DLGAP1: variants seen among roughly 807,000 people sequenced by gnomAD.
The protein encoded by DLGAP1 is DLG associated protein 1, also known as disks large-associated protein 1.
A neutral mutation model predicts 90.8 loss-of-function variants in DLGAP1; 11 were observed. The observed-to-expected ratio is 0.12, with a 90% confidence interval of 0.08 to 0.20. The LOEUF (loss-of-function observed/expected upper bound fraction) is 0.20, where lower values mean the gene tolerates loss of function less well. DLGAP1 is among the 10% of genes least tolerant of loss of function. DLGAP1 has a pLI of 1.00. For missense variants in DLGAP1, 1,050 were observed against 1,333.8 expected (o/e 0.79, Z 3.31); for synonymous variants, 558 against 540.7 (o/e 1.03, Z -0.44).
intron 2 of DLGAP1, among the ~76,000 whole-genome samples, chr18:4,025,197 T>C (rs2149119747): frequency 1.3e-5 from 2 of 152,324 alleles, no homozygotes; most frequent in Middle Eastern, 6.8e-3. Context: ...GTGTGTGCAC[T>C]CTACACTGAG....
At chr18:3,864,828 T>A (rs2070289858) in intron 4 of DLGAP1, among the ~76,000 whole-genome samples, 1 of 152,192 alleles carries the variant, frequency 6.6e-6, no homozygotes, top group South Asian at 2.1e-4. Flanking sequence ...CCTTGGATAG[T>A]ATATGACTCA....
intron 1 of DLGAP1, among the ~76,000 whole-genome samples, chr18:4,241,875 AT>A (rs2078541951): frequency 6.6e-6 from 1 of 152,180 alleles, no homozygotes. Context: ...TTTTCTAAAC[AT>A]TTTTAAATTT....
At chr18:3,750,376 G>A (rs1470864480) in intron 5 of DLGAP1, among the ~76,000 whole-genome samples, 5 of 152,248 alleles carry the variant, frequency 3.3e-5, no homozygotes, top group Non-Finnish European at 5.9e-5. Flanking sequence ...CTGCTGATAG[G>A]CACCTAGATT....
chr18:4,306,033 T>TACACACAGACAC (rs1184185219), intron 1 of DLGAP1, among the ~76,000 whole-genome samples: 7 of 142,204 alleles, frequency 4.9e-5, no homozygotes, highest in African/African-American at 1.9e-4. Context: ...CACACACAAA[T>TACACACAGACAC]ACACACACAC....
chr18:4,450,780 T>A (rs1171006821), intron 1 of DLGAP1, among the ~76,000 whole-genome samples: 1 of 152,188 alleles, frequency 6.6e-6, no homozygotes. Context: ...CCATGATAAG[T>A]GAATATGAAA....
chr18:4,114,484 G>T (rs1342187241), intron 2 of DLGAP1, among the ~76,000 whole-genome samples: 1 of 152,116 alleles, frequency 6.6e-6, no homozygotes, highest in Non-Finnish European at 1.5e-5. Flanking sequence ...CACTGAAGTT[G>T]TTTAACAGTT....
rs369021843 is a variant in DLGAP1, at chr18:3,985,648, C to A, written c.-73+19468G>T. On this transcript the variant is annotated intron_variant, in intron 3 of 12. Coordinates refer to ENST00000315677, the MANE Select transcript of DLGAP1 (RefSeq NM_004746.4). Reference sequence around the variant, plus strand: ...TAGATGCATTGATAAACCTGAAGGACGGGCTTACTGTTCAGTAGTGCTTTG... The same window carrying A: ...TAGATGCATTGATAAACCTGAAGGAAGGGCTTACTGTTCAGTAGTGCTTTG... 7.9e-5 allele frequency among the ~76,000 whole-genome samples: 12 copies of A among 151,966 alleles called. 1 individual carries two copies. Among genetic ancestry groups the A allele is most frequent in the South Asian group, 6.3e-4 (3 of 4,792 alleles).
intron 4 of DLGAP1, among the ~76,000 whole-genome samples, chr18:3,848,665 C>T (rs2069160988): frequency 6.6e-6 from 1 of 152,102 alleles, no homozygotes; most frequent in African/African-American, 2.4e-5. Context: ...AGGTCAGAAA[C>T]CTGGGTACTC....
chr18:3,676,261 T>C (rs7240936), intron 7 of DLGAP1, among the ~76,000 whole-genome samples: 97,222 of 152,070 alleles, frequency 0.64, 32,571 homozygotes, highest in African/African-American at 0.86. Flanking sequence ...CCTTCCCTGC[T>C]CGCTATGTAA....
chr18:3,995,754 A>AAT (rs1439754856), intron 3 of DLGAP1: 1 of 151,754 alleles, frequency 6.6e-6, no homozygotes, highest in African/African-American at 2.4e-5. Flanking sequence ...ATTTACTTTC[A>AAT]ATATATACAC....
chr18:4,203,265 TAAA>T (rs61037023), intron 1 of DLGAP1, among the ~76,000 whole-genome samples: 4 of 128,098 alleles, frequency 3.1e-5, no homozygotes, highest in Non-Finnish European at 3.4e-5. Context: ...ACAGAGAGAT[TAAA>T]AAAAAAAAAA....
chr18:4,141,476 A>G (rs191753603), intron 2 of DLGAP1, among the ~76,000 whole-genome samples: 181 of 152,162 alleles, frequency 1.2e-3, no homozygotes, highest in African/African-American at 4.1e-3. Context: ...TAGCCTCTGG[A>G]AAACTCCACT....
chr18:3,760,131 G>A (rs996947138), intron 5 of DLGAP1, among the ~76,000 whole-genome samples: 1 of 152,196 alleles, frequency 6.6e-6, no homozygotes, highest in African/African-American at 2.4e-5. Context: ...CACAGGGTCC[G>A]ACATGTATTA....
At chr18:4,224,594 C>T (rs759501000) in intron 1 of DLGAP1, among the ~76,000 whole-genome samples, 7 of 152,070 alleles carry the variant, frequency 4.6e-5, no homozygotes, top group Non-Finnish European at 8.8e-5. Context: ...TGGTGGCAGA[C>T]ACGGAGGAAG....
chr18:4,419,257 C>T (rs1308932833), intron 1 of DLGAP1, among the ~76,000 whole-genome samples: 1 of 152,150 alleles, frequency 6.6e-6, no homozygotes, highest in African/African-American at 2.4e-5. Context: ...GAAAGACCCA[C>T]CCCCATGATG....
At chr18:4,418,487 G>C (rs998661765) in intron 1 of DLGAP1, among the ~76,000 whole-genome samples, 2 of 152,124 alleles carry the variant, frequency 1.3e-5, no homozygotes, top group African/African-American at 4.8e-5. Flanking sequence ...GATCAGGTTG[G>C]AAGTTTAGCA....
At chr18:4,125,373 C>G (rs2076216984) in intron 2 of DLGAP1, among the ~76,000 whole-genome samples, 1 of 152,172 alleles carries the variant, frequency 6.6e-6, no homozygotes, top group Non-Finnish European at 1.5e-5. Context: ...GATGCCTGAG[C>G]TGAGTCATAA....
intron 10 of DLGAP1, among the ~76,000 whole-genome samples, chr18:3,527,559 T>G (rs112705319): frequency 6.6e-6 from 1 of 151,746 alleles, no homozygotes; most frequent in Non-Finnish European, 1.5e-5. Context: ...GAGTTTTTGT[T>G]TTTTTAGTTT....
chr18:4,362,123 C>T (rs2081643556), intron 1 of DLGAP1, among the ~76,000 whole-genome samples: 1 of 152,158 alleles, frequency 6.6e-6, no homozygotes, highest in South Asian at 2.1e-4. Context: ...AACACTTGTA[C>T]ACTGTTGGTG....
Sources: gnomAD v4.1 joint callset for allele counts (sites outside exome capture counted in the v4.1 genomes callset) on GRCh38, gnomAD v4.1.1 for gene constraint, MANE v1.5 for transcripts, NCBI Gene and HGNC (gene_info 2026-07-23, HGNC 2026-07-21) for gene names.